LIPG: variants seen among roughly 807,000 people sequenced by gnomAD.
The protein encoded by LIPG is endothelial lipase.
A neutral mutation model predicts 51.8 loss-of-function variants in LIPG; 34 were observed. The observed-to-expected ratio is 0.66, with a 90% CI of 0.50 to 0.87. The LOEUF is 0.87. LIPG is among the 40% of genes least tolerant of loss of function. The pLI is 0.00. For missense variants in LIPG, 580 were observed against 652.7 expected, an observed-to-expected ratio of 0.89 and a Z score of 1.21; for synonymous variants, 246 against 246.1, an observed-to-expected ratio of 1.00 and a Z score of 0.00.
At chr18:49,577,837 TG>T (rs1189586110) in intron 5 of LIPG, among the ~76,000 whole-genome samples, 6 of 34,786 alleles carry the variant, frequency 1.7e-4, no homozygotes, top group African/African-American at 5.3e-4. Flanking sequence ...GCTGGCCGGG[TG>T]GGGGGGCTGA....
chr18:49,562,156 C>T lies in LIPG; in HGVS notation c.-153C>T, dbSNP rs2084556553. 1.3e-6 allele frequency: 2 copies of T among 1,483,418 alleles called. No individual in the cohort carries two copies. Among genetic ancestry groups the T allele is most frequent in the Non-Finnish European group, 1.8e-6 (2 of 1,122,330 alleles). 91.9% of individuals were successfully genotyped at this position (1,483,418 alleles called of 1,614,324 possible). On this transcript the variant is annotated 5_prime_UTR_variant, in exon 1 of 10. Coordinates refer to ENST00000261292, the MANE Select transcript of LIPG (RefSeq NM_006033.4). Reference sequence around the variant, plus strand: ...TCCCTGCCACCGCCCGGGCTCCGTGCCGCCAAGTTTTCATTTTCCACCTTC... The same window carrying T: ...TCCCTGCCACCGCCCGGGCTCCGTGTCGCCAAGTTTTCATTTTCCACCTTC...
chr18:49,573,219 C>T (rs1292372718), intron 4 of LIPG, among the ~76,000 whole-genome samples: 5 of 152,210 alleles, frequency 3.3e-5, no homozygotes, highest in Non-Finnish European at 7.3e-5. Context: ...ATGTTGCTCT[C>T]TTTCTCTTTC....
chr18:49,567,421 A>T, intron 2 of LIPG, 21 bp from the exon 3 acceptor site: 1 of 1,611,762 alleles, frequency 6.2e-7, no homozygotes, highest in Non-Finnish European at 8.5e-7. Context: ...AATAAAAAAC[A>T]ACTTCCACTT....
intron 2 of LIPG, 132 bp downstream of exon 2, chr18:49,565,630 T>A: frequency 2.0e-6 from 2 of 1,012,330 alleles, no homozygotes; most frequent in Non-Finnish European, 3.0e-6. Flanking sequence ...TGCTTGTATT[T>A]CAGACAGCTG....
chr18:49,575,636 T>A (rs1427789157), intron 5 of LIPG, 46 bp downstream of exon 5: 4 of 1,503,610 alleles, frequency 2.7e-6, no homozygotes, highest in Non-Finnish European at 3.7e-6. Context: ...GTTTATTCCA[T>A]CTCCTTCTAA....
intron 9 of LIPG, chr18:49,590,260 A>C: frequency 1.6e-6 from 1 of 612,946 alleles, no homozygotes; most frequent in Non-Finnish European, 3.0e-6. Flanking sequence ...TACTCAACTC[A>C]GGGTCCAGAG....
intron 7 of LIPG, 91 bp downstream of exon 7, chr18:49,582,573 G>T: frequency 3.2e-6 from 5 of 1,542,218 alleles, no homozygotes; most frequent in Non-Finnish European, 4.5e-6. Context: ...AACGAGTACA[G>T]CACGCAGGAG....
At chr18:49,562,848 G>A (rs980713802) in intron 1 of LIPG, among the ~76,000 whole-genome samples, 6 of 152,186 alleles carry the variant, frequency 3.9e-5, no homozygotes, top group African/African-American at 1.4e-4. Flanking sequence ...AGGTGGCAGG[G>A]TAGCTGGCTT....
intron 9 of LIPG, 52 bp downstream of exon 9, chr18:49,586,902 C>G: frequency 7.8e-7 from 1 of 1,288,172 alleles, no homozygotes; most frequent in South Asian, 1.2e-5. Flanking sequence ...ACATGATGAT[C>G]TCCTAGCATG....
Position 49,570,982 on chromosome 18 carries a change from G to A in LIPG, c.571+1434G>A, listed in dbSNP as rs2084655527. 2.0e-5 allele frequency among the ~76,000 whole-genome samples: 3 copies of A among 152,286 alleles called. No individual in the cohort carries two copies. The South Asian group carries it at 6.2e-4, about 32-fold the overall frequency. On this transcript the variant is annotated intron_variant, in intron 4 of 9. Transcript: ENST00000261292. ...CTGGCTCTCCTGAATCCTGTCCCTG[G>A]GCTTGAGTCTAGTATGTGCGTGCAC...
intron 9 of LIPG, chr18:49,589,943 T>G (rs1235231657): frequency 5.8e-6 from 1 of 173,636 alleles, no homozygotes; most frequent in Non-Finnish European, 1.2e-5. Context: ...GCATCATATG[T>G]AACATGTTTA....
chr18:49,562,886 T>A (rs1254715966), intron 1 of LIPG, among the ~76,000 whole-genome samples: 1 of 152,198 alleles, frequency 6.6e-6, no homozygotes, highest in Non-Finnish European at 1.5e-5. Context: ...GCAGGGAGCG[T>A]CTGGTGGGTC....
chr18:49,562,313 G>C lies in LIPG; in HGVS notation c.5G>C (p.Ser2Thr). 1 of 1,612,738 alleles carries C rather than the reference G, an allele frequency of 6.2e-7. No homozygotes were observed. Among genetic ancestry groups the C allele is most frequent in the Non-Finnish European group, 8.5e-7 (1 of 1,179,974 alleles). M[S>T]NSVPLLCFWS... Reference sequence around the variant, plus strand: ...GAGGGGGTGTGGCGGGGCAGGATGAGCAACTCCGTTCCTCTGCTCTGTTTC... The same window carrying C: ...GAGGGGGTGTGGCGGGGCAGGATGACCAACTCCGTTCCTCTGCTCTGTTTC... Residue 2 changes from serine to threonine, a missense_variant, in exon 1 of 10, where the codon AGC becomes ACC. Coordinates refer to ENST00000261292, the MANE Select transcript of LIPG (RefSeq NM_006033.4).
chr18:49,561,905 C>G, upstream of LIPG: 1 of 1,330,894 alleles, frequency 7.5e-7, no homozygotes, highest in Non-Finnish European at 9.5e-7. Context: ...GTGTGCAGCG[C>G]TTTCATTCAA....
Position 49,586,799 on chromosome 18 carries a change from A to G in LIPG, c.1430A>G (p.Glu477Gly). Residue 477 changes from glutamate (E) to glycine (G), a missense_variant, in exon 9 of 10, where the codon GAG becomes GGG. Physicochemically the swap from Glu to Gly is moderately conservative, Grantham distance 98. Coordinates refer to ENST00000261292, the MANE Select transcript of LIPG (RefSeq NM_006033.4). ...PENTSISPGR[E>G]LWFRKCRDGW... Reference sequence around the variant, plus strand: ...AACACCAGCATATCCCCAGGCCGGGAGCTCTGGTTTCGCAAGTGTCGGGAT... The same window carrying G: ...AACACCAGCATATCCCCAGGCCGGGGGCTCTGGTTTCGCAAGTGTCGGGAT... 1 of 1,614,126 alleles carries G rather than the reference A, an allele frequency of 6.2e-7. No homozygotes were observed. Among genetic ancestry groups the G allele is most frequent in the South Asian group, 1.1e-5 (1 of 91,086 alleles).
chr18:49,582,104 T>A (rs548367515), intron 6 of LIPG, among the ~76,000 whole-genome samples: 32 of 152,342 alleles, frequency 2.1e-4, no homozygotes, highest in African/African-American at 7.5e-4. Context: ...ACCTTGGTCC[T>A]TAATCCAGGG....
rs1294984170 is a variant in LIPG, at chr18:49,595,384, C to T, written c.*4862C>T. On this transcript the variant is annotated 3_prime_UTR_variant, in exon 10 of 10. Transcript: ENST00000261292. ...CATCCAGCATTATGTGAGTTTTAGG[C>T]TAAATACAGCCTTTCTGAGTCTCTA... is the stretch of plus-strand genomic sequence containing the variant. The T allele has an allele frequency of 6.6e-6, 1 of 152,082 alleles. No homozygotes were observed. Among genetic ancestry groups the T allele is most frequent in the Non-Finnish European group, 1.5e-5 (1 of 68,028 alleles). The allele number at this position is 152,082 out of a possible 1,614,324, so 9.4% of individuals were successfully genotyped here.
intron 5 of LIPG, among the ~76,000 whole-genome samples, chr18:49,579,767 T>TCCTTTCCTTTC (rs374152970): frequency 6.5e-5 from 3 of 46,478 alleles, no homozygotes; most frequent in Non-Finnish European, 9.6e-5. Flanking sequence ...TCCTTTCCTT[T>TCCTTTCCTTTC]CTTTTCTTTT....
chr18:49,589,168 C>T (rs1030251244), intron 9 of LIPG, among the ~76,000 whole-genome samples: 9 of 152,074 alleles, frequency 5.9e-5, no homozygotes, highest in South Asian at 2.1e-4. Flanking sequence ...GCCCGTGCTC[C>T]GGGGTCCCCT....
Sources: allele counts gnomAD v4.1 joint callset (sites outside exome capture counted in the v4.1 genomes callset), GRCh38; gene constraint gnomAD v4.1.1; transcripts MANE v1.5; gene names NCBI Gene and HGNC (gene_info 2026-07-23, HGNC 2026-07-21).